The following USP33 variants were observed in gnomAD, a reference collection of about 807,000 sequenced individuals.
USP33 encodes ubiquitin carboxyl-terminal hydrolase 33.
Under a neutral mutation model 124.2 loss-of-function variants are expected in USP33, and 46 were observed. The ratio of observed to expected loss-of-function variants is 0.37; its 90% CI spans 0.29 to 0.47. The LOEUF is 0.47. USP33 is among the 20% of genes least tolerant of loss of function. The pLI, the probability that USP33 is intolerant of heterozygous loss-of-function variation, is 0.99. For missense variants in USP33, 851 were observed against 1,070.6 expected (o/e 0.79, Z 2.86); for synonymous variants, 350 against 352.3 (o/e 0.99, Z 0.07).
chr1:77,736,118 AGAG>A lies in USP33; in HGVS notation c.389_391del (p.Pro130del), dbSNP rs748754333. On this transcript the variant is annotated inframe_deletion, in exon 6 of 24. Transcript: ENST00000370794. Reference sequence around the variant, plus strand: ...ATCCAGATCATCAAATACGGCAACCAGAGGAGTTTTTAATGTTGTATTACTGGG... The same window carrying A: ...ATCCAGATCATCAAATACGGCAACCAGAGTTTTTAATGTTGTATTACTGGG... 1.2e-6 allele frequency: 2 copies of A among 1,613,444 alleles called. No homozygotes were observed. The highest frequency in any genetic ancestry group is 1.7e-6 in the Non-Finnish European group (2 of 1,179,684).
At chr1:77,759,433 G>C (rs1463708137) in intron 1 of USP33, 2 of 395,320 alleles carry the variant, frequency 5.1e-6, no homozygotes, top group Non-Finnish European at 8.9e-6. Flanking sequence ...ACCGTTGACA[G>C]GGCGACCACT....
At chr1:77,713,519 G>A in intron 19 of USP33, 1 of 377,532 alleles carries the variant, frequency 2.6e-6, no homozygotes. Context: ...TGAGTAGCTG[G>A]GACTACAGGC....
chr1:77,718,505 C>T, intron 16 of USP33, 91 bp downstream of exon 16: 4 of 1,061,502 alleles, frequency 3.8e-6, no homozygotes, highest in Non-Finnish European at 5.7e-6. Context: ...ATTCTTCAAC[C>T]AAGCAAAGAG....
intron 1 of USP33, among the ~76,000 whole-genome samples, chr1:77,754,267 C>T (rs1276376466): frequency 2.0e-5 from 3 of 152,106 alleles, no homozygotes; most frequent in Non-Finnish European, 4.4e-5. Flanking sequence ...TATGGTTCCA[C>T]GAGTACTAGT....
intron 9 of USP33, 100 bp downstream of exon 9, chr1:77,729,760 G>A: frequency 9.7e-7 from 1 of 1,028,902 alleles, no homozygotes; most frequent in Non-Finnish European, 1.5e-6. Flanking sequence ...AAAGACACAA[G>A]GAGTGATGAC....
chr1:77,750,688 A>AAAG (rs1557872975), intron 1 of USP33, among the ~76,000 whole-genome samples: 4 of 146,640 alleles, frequency 2.7e-5, no homozygotes, highest in East Asian at 4.2e-4. Flanking sequence ...AAGAAAGAAA[A>AAAG]AGGAAAAGAA....
chr1:77,721,646 C>T, intron 14 of USP33, 185 bp downstream of exon 14: 2 of 562,762 alleles, frequency 3.6e-6, no homozygotes, highest in Non-Finnish European at 3.1e-6. Flanking sequence ...ACATGAATTC[C>T]TTCAGGATGT....
intron 1 of USP33, among the ~76,000 whole-genome samples, chr1:77,742,199 G>A (rs1485673085): frequency 2.6e-5 from 4 of 151,594 alleles, no homozygotes; most frequent in Non-Finnish European, 5.9e-5. Flanking sequence ...CTACTAATAG[G>A]ACCCCCTACT....
intron 23 of USP33, 26 bp from the exon 24 acceptor site, chr1:77,697,500 G>A (rs1179394850): frequency 8.2e-6 from 13 of 1,582,540 alleles, no homozygotes; most frequent in Non-Finnish European, 1.0e-5. Flanking sequence ...AAGAAATAAT[G>A]TTTACAAACC....
intron 16 of USP33, 121 bp downstream of exon 16, chr1:77,718,475 G>T: frequency 1.3e-6 from 1 of 796,228 alleles, no homozygotes; most frequent in Non-Finnish European, 2.1e-6. Context: ...TCTTAAAAAG[G>T]CATGCATAGC....
At chr1:77,729,367 C>T (rs1205340699) in intron 9 of USP33, among the ~76,000 whole-genome samples, 1 of 132,184 alleles carries the variant, frequency 7.6e-6, no homozygotes, top group Non-Finnish European at 1.6e-5. Flanking sequence ...CATTATCTCT[C>T]TTAAAAAAAA....
At chr1:77,739,957 T>C (rs1348817318) in intron 4 of USP33, among the ~76,000 whole-genome samples, 3 of 152,196 alleles carry the variant, frequency 2.0e-5, no homozygotes, top group Admixed American at 2.0e-4. Flanking sequence ...CCATCTTAGA[T>C]GCACAGAAAG....
intron 8 of USP33, 23 bp downstream of exon 8, chr1:77,730,595 G>A (rs773917928): frequency 1.4e-6 from 2 of 1,434,844 alleles, no homozygotes; most frequent in Admixed American, 2.4e-5. Flanking sequence ...TAATAAAGAA[G>A]AAGAGTATAT....
At chr1:77,714,944 T>C in intron 18 of USP33, 161 bp from the exon 19 acceptor site, 1 of 672,070 alleles carries the variant, frequency 1.5e-6, no homozygotes, top group South Asian at 2.1e-5. Context: ...CCAAATACAT[T>C]ATATACTCAT....
rs1371906197 is a variant in USP33, at chr1:77,729,893, A to C, written c.684T>G (p.Thr228=). The change falls in exon 9 of 24, where the codon ACT becomes ACG. Residue 228 remains threonine (T), a synonymous_variant. Coordinates refer to ENST00000370794, the MANE Select transcript of USP33 (RefSeq NM_201624.3). ...AATACCCCCGAAATGTTGGATTTAC[A>C]GTTTTAATTCCTTGAAACAGAGTAG... ...VPTTLFQGIK[T]VNPTFRGYSQ... 3 of 1,613,840 alleles carry C rather than the reference A, an allele frequency of 1.9e-6. No individual in the cohort carries two copies. Among genetic ancestry groups the C allele is most frequent in the African/African-American group, 1.3e-5 (1 of 74,914 alleles).
chr1:77,744,566 G>A (rs1181883227), intron 1 of USP33, among the ~76,000 whole-genome samples: 2 of 152,168 alleles, frequency 1.3e-5, no homozygotes, highest in African/African-American at 2.4e-5. Flanking sequence ...CCAACAGGCT[G>A]GGTACAGTAG....
chr1:77,755,921 C>T (rs1004804799), intron 1 of USP33, among the ~76,000 whole-genome samples: 1 of 152,186 alleles, frequency 6.6e-6, no homozygotes, highest in Non-Finnish European at 1.5e-5. Flanking sequence ...TTGTTCAAGT[C>T]TCCACCCTGC....
intron 11 of USP33, 104 bp from the exon 12 acceptor site, chr1:77,723,547 A>C: frequency 1.4e-6 from 1 of 691,360 alleles, no homozygotes; most frequent in South Asian, 2.0e-5. Context: ...GATCTCTAGA[A>C]TCCTTAAACT....
At chr1:77,715,941 T>C in intron 17 of USP33, 73 bp from the exon 18 acceptor site, 1 of 1,472,240 alleles carries the variant, frequency 6.8e-7, no homozygotes, top group Non-Finnish European at 9.1e-7. Flanking sequence ...ACTTTTTATA[T>C]TTCCAGTGCC....
Sources: gnomAD v4.1 joint callset for allele counts (sites outside exome capture counted in the v4.1 genomes callset) on GRCh38, gnomAD v4.1.1 for gene constraint, MANE v1.5 for transcripts, NCBI Gene and HGNC (gene_info 2026-07-23, HGNC 2026-07-21) for gene names.